Variants in SLC6A4 observed in about 807,000 individuals in gnomAD.
SLC6A4 encodes solute carrier family 6 member 4.
A neutral mutation model predicts 73.4 loss-of-function variants in SLC6A4; 22 were observed. That is an observed-to-expected ratio of 0.30 (90% confidence interval 0.21 to 0.43). The LOEUF (loss-of-function observed/expected upper bound fraction) is 0.43. SLC6A4 is among the 20% of genes least tolerant of loss of function. SLC6A4 has a pLI of 1.00. For missense variants in SLC6A4, 593 were observed against 808.5 expected (o/e 0.73, Z 3.23); for synonymous variants, 270 against 315.5 (o/e 0.86, Z 1.53).
In SLC6A4 at chr17:30,222,079, A is replaced by G; in HGVS notation, c.-121T>C. 1 of 1,561,024 alleles carries G rather than the reference A, an allele frequency of 6.4e-7. No homozygotes were observed. Among genetic ancestry groups the G allele is most frequent in the Non-Finnish European group, 8.7e-7 (1 of 1,151,862 alleles). On this transcript the variant is annotated splice_region_variant and 5_prime_UTR_variant, in exon 3 of 15. Transcript: ENST00000650711. ...CGTCGGGATTGACACGTCGGGATTG[A>G]CTCTGTTGGAAAGACACACAGAGGA...
In SLC6A4 at chr17:30,218,915, G is replaced by C; in HGVS notation, c.360C>G (p.Pro120=). The stretch of plus-strand genomic sequence containing the variant: ...CCCCAAAAATGGCCATGATGGTGTA[G>C]GGGAGGAGGAATGCCCCTGAGGCAG... ...YQNGGGAFLL[P]YTIMAIFGGI... Residue 120 remains proline, a synonymous_variant, in exon 4 of 15, where the codon CCC becomes CCG. Coordinates refer to ENST00000650711, the MANE Select transcript of SLC6A4 (RefSeq NM_001045.6). 1 of 1,614,164 alleles carries C rather than the reference G, an allele frequency of 6.2e-7. No homozygotes were observed. The highest frequency in any genetic ancestry group is 1.1e-5 in the South Asian group (1 of 91,078).
intron 8 of SLC6A4, among the ~76,000 whole-genome samples, chr17:30,214,769 A>C (rs1255528984): frequency 6.6e-6 from 1 of 150,646 alleles, no homozygotes; most frequent in Non-Finnish European, 1.5e-5. Flanking sequence ...AGTAGCTGGG[A>C]CTACAGGCGC....
rs534139170 is a variant in SLC6A4 at position 30,222,609 on chromosome 17, A to G, written c.-124+210T>C. 2.0e-5 allele frequency among the ~76,000 whole-genome samples: 3 copies of G among 152,292 alleles called. No individual in the cohort carries two copies. The East Asian group carries it at 5.8e-4, about 29-fold the overall frequency. On this transcript the variant is annotated intron_variant, in intron 2 of 14. Coordinates refer to ENST00000650711, the MANE Select transcript of SLC6A4 (RefSeq NM_001045.6). Reference sequence around the variant, plus strand: ...CTACAGCTATGATTTTAAAAGGAAAAAAGCAAAGGACAGAGGTAAAAAGGC... The same window carrying G: ...CTACAGCTATGATTTTAAAAGGAAAGAAGCAAAGGACAGAGGTAAAAAGGC...
intron 11 of SLC6A4, 24 bp downstream of exon 11, chr17:30,210,491 A>G: frequency 6.2e-7 from 1 of 1,608,758 alleles, no homozygotes; most frequent in Non-Finnish European, 8.5e-7. Flanking sequence ...AGGCCAACTC[A>G]AAGCTGAGGG....
Position 30,213,460 on chromosome 17 carries a change from G to A in SLC6A4, c.1077-593C>T, listed in dbSNP as rs558683587. On this transcript the variant is annotated intron_variant, in intron 8 of 14. Coordinates refer to ENST00000650711, the MANE Select transcript of SLC6A4 (RefSeq NM_001045.6). ...TGGGATTACAGGCGCCCACGACCAC[G>A]CCTGGCTAATTTTTGTATTTTTAGT... Among the ~76,000 whole-genome samples the A allele has an allele frequency of 3.3e-5, 5 of 151,844 alleles. No homozygotes were observed. The East Asian group carries it at 9.7e-4, about 30-fold the overall frequency.
In SLC6A4 at chr17:30,214,387, A is replaced by G. The variant is rs921019106; in HGVS notation, c.1076+1224T>C. On this transcript the variant is annotated intron_variant, in intron 8 of 14. Transcript: ENST00000650711. ...TGGTGAGCTGAGATTGCGCCATTGC[A>G]CTCCAGCCTGGACAACAAGAGCGAA... 2.0e-4 allele frequency among the ~76,000 whole-genome samples: 27 copies of G among 133,962 alleles called. No homozygotes were observed. The East Asian group carries it at 6.0e-3, about 30-fold the overall frequency. 87.9% of individuals were successfully genotyped at this position (133,962 alleles called of 152,430 possible).
At chr17:30,222,205 G>A in intron 2 of SLC6A4, 124 bp from the exon 3 acceptor site, 1 of 606,768 alleles carries the variant, frequency 1.6e-6, no homozygotes, top group Non-Finnish European at 2.8e-6. Context: ...TGTTAAATGT[G>A]AGACATCCTA....
chr17:30,212,760 G>A lies in SLC6A4; in HGVS notation c.1184C>T (p.Ser395Phe). Reference protein sequence around the residue: ...YMAEMRNEDVSEVAKDAGPSL... With the variant: ...YMAEMRNEDVFEVAKDAGPSL... Reference sequence around the variant, plus strand: ...CCTACCTGCGTCTTTGGCCACCTCAGACACATCTTCATTCCTCATCTCAGC... The same window carrying A: ...CCTACCTGCGTCTTTGGCCACCTCAAACACATCTTCATTCCTCATCTCAGC... The change falls in exon 9 of 15, where the codon TCT becomes TTT. Residue 395 changes from serine to phenylalanine, a missense_variant. Coordinates refer to ENST00000650711, the MANE Select transcript of SLC6A4 (RefSeq NM_001045.6). 6.2e-7 allele frequency: 1 copy of A among 1,614,206 alleles called. No individual in the cohort carries two copies. The highest frequency in any genetic ancestry group is 8.5e-7 in the Non-Finnish European group (1 of 1,180,032).
intron 4 of SLC6A4, among the ~76,000 whole-genome samples, 153 bp from the exon 5 acceptor site, chr17:30,218,490 G>C (rs750478068): frequency 2.6e-5 from 4 of 152,310 alleles, no homozygotes; most frequent in African/African-American, 9.6e-5. Context: ...CCAGGCCACC[G>C]TGGGAAAAGT....
intron 2 of SLC6A4, among the ~76,000 whole-genome samples, 162 bp from the exon 3 acceptor site, chr17:30,222,243 A>G (rs1029938793): frequency 6.6e-6 from 1 of 152,214 alleles, no homozygotes; most frequent in Non-Finnish European, 1.5e-5. Flanking sequence ...CATAAATTCA[A>G]CTAAATTTCT....
At chr17:30,201,002 C>G (rs1047029023) in intron 14 of SLC6A4, among the ~76,000 whole-genome samples, 1 of 152,066 alleles carries the variant, frequency 6.6e-6, no homozygotes, top group Non-Finnish European at 1.5e-5. Context: ...AGGCTAGTCT[C>G]GAACTCCTGA....
chr17:30,207,947 G>T (rs561355994), intron 12 of SLC6A4, 115 bp from the exon 13 acceptor site: 1 of 724,770 alleles, frequency 1.4e-6, no homozygotes, highest in East Asian at 2.8e-5. Context: ...GGAATGACAA[G>T]GGGAAATGAC....
Position 30,207,764 on chromosome 17 carries a change from A to ACTG in SLC6A4, c.1617_1618insCAG (p.Ile539_Cys540insGln), listed in dbSNP as rs1277988402. ...AACAGAGGGCTGATGGCCACCCAGCAGATCCTCCAGAACCACCCCGGGCTG... is the reference window on the plus strand; with the variant it reads ...AACAGAGGGCTGATGGCCACCCAGCACTGGATCCTCCAGAACCACCCCGGGCTG... On this transcript the variant is annotated inframe_insertion, in exon 13 of 15. Coordinates refer to ENST00000650711, the MANE Select transcript of SLC6A4 (RefSeq NM_001045.6). 16 of 1,613,970 alleles carry ACTG rather than the reference A, an allele frequency of 9.9e-6. No individual in the cohort carries two copies. The highest frequency in any genetic ancestry group is 1.4e-5 in the Non-Finnish European group (16 of 1,179,836).
rs972556694 is a variant in SLC6A4, at chr17:30,197,847, T to G, written c.*609A>C. ...TGGGCCCAAAATATTGGACTAGAGATAAGAATACACTGAAACAACAATATA... is the reference window on the plus strand; with the variant it reads ...TGGGCCCAAAATATTGGACTAGAGAGAAGAATACACTGAAACAACAATATA... On this transcript the variant is annotated 3_prime_UTR_variant, in exon 15 of 15. Transcript: ENST00000650711. The G allele has an allele frequency of 3.3e-5, 5 of 152,782 alleles. No individual in the cohort carries two copies. The highest frequency in any genetic ancestry group is 1.2e-4 in the African/African-American group (5 of 41,440). The allele number at this position is 152,782 out of a possible 1,614,324, so 9.5% of individuals were successfully genotyped here. A position where few individuals can be genotyped will look rare whatever the true frequency, so the allele number is the denominator to read the frequency against.
At chr17:30,234,496 G>A (rs867796362) in intron 1 of SLC6A4, among the ~76,000 whole-genome samples, 11 of 152,102 alleles carry the variant, frequency 7.2e-5, no homozygotes, top group South Asian at 2.1e-4. Context: ...CGAACCCTGG[G>A]GCCTCAGTGG....
At chr17:30,217,353 C>T in intron 5 of SLC6A4, 49 bp from the exon 6 acceptor site, 1 of 1,584,702 alleles carries the variant, frequency 6.3e-7, no homozygotes, top group Non-Finnish European at 8.6e-7. Context: ...GTAGAGTGAC[C>T]TGGGCACACA....
At chr17:30,214,827 G>A (rs1177444422) in intron 8 of SLC6A4, among the ~76,000 whole-genome samples, 1 of 151,766 alleles carries the variant, frequency 6.6e-6, no homozygotes, top group East Asian at 1.9e-4. Flanking sequence ...TAGAGATGGG[G>A]TTTCACCGTG....
At chr17:30,227,097 C>T (rs1028119208) in intron 1 of SLC6A4, among the ~76,000 whole-genome samples, 3 of 152,226 alleles carry the variant, frequency 2.0e-5, no homozygotes, top group East Asian at 1.9e-4. Context: ...CACAGTTGCC[C>T]CCAGGCTTTA....
intron 1 of SLC6A4, among the ~76,000 whole-genome samples, chr17:30,227,240 A>G (rs1906957313): frequency 6.6e-6 from 1 of 152,190 alleles, no homozygotes; most frequent in South Asian, 2.1e-4. Flanking sequence ...GTGTTCCCGA[A>G]GTGTGCAGGG....
Sources: gnomAD v4.1 joint callset for allele counts (sites outside exome capture counted in the v4.1 genomes callset) on GRCh38, gnomAD v4.1.1 for gene constraint, MANE v1.5 for transcripts, NCBI Gene and HGNC (gene_info 2026-07-23, HGNC 2026-07-21) for gene names.